TNMD: variants seen among roughly 807,000 people sequenced by gnomAD.
TNMD encodes tenomodulin.
Under a neutral mutation model 26.9 loss-of-function variants are expected in TNMD, and 15 were observed. That is an observed-to-expected ratio of 0.56 (90% CI 0.37 to 0.86). The LOEUF is 0.86. TNMD is among the 40% of genes least tolerant of loss of function. The pLI is 0.00. For synonymous variants in TNMD, 73 were observed against 77.0 expected (o/e 0.95, Z 0.27); for missense variants, 222 against 242.6 (o/e 0.92, Z 0.56).
chrX:100,596,352 C>G, intron 4 of TNMD, among the ~76,000 whole-genome samples: 1 of 111,726 alleles, frequency 9.0e-6, no homozygotes, highest in Middle Eastern at 4.6e-3. Context: ...AATAAATAAA[C>G]AAAAAATAAA....
At chrX:100,594,584 A>C (rs2082947733) in intron 4 of TNMD, among the ~76,000 whole-genome samples, 1 of 111,412 alleles carries the variant, frequency 9.0e-6, no homozygotes, top group African/African-American at 3.3e-5. Flanking sequence ...TGGGGTCTTG[A>C]ACTTAGGCCT....
intron 4 of TNMD, among the ~76,000 whole-genome samples, chrX:100,596,631 A>C (rs1168819247): frequency 9.0e-6 from 1 of 111,628 alleles, no homozygotes; most frequent in Non-Finnish European, 1.9e-5. Context: ...AATAGCCCTG[A>C]TTTTGCTAAC....
rs2082951081 is a variant in TNMD at position 100,595,725 on chromosome X, G to GA, written c.423+1371dup. On this transcript the variant is annotated intron_variant, in intron 4 of 6. Coordinates refer to ENST00000373031, the MANE Select transcript of TNMD (RefSeq NM_022144.3). ...AGACCCTTGTTACTAGAATTTGCAAGAAAAAAAAGAACGTTCTCCCAAAGA... is the reference window on the plus strand; with the variant it reads ...AGACCCTTGTTACTAGAATTTGCAAGAAAAAAAAAGAACGTTCTCCCAAAGA... 2.7e-5 allele frequency among the ~76,000 whole-genome samples: 3 copies of GA among 110,034 alleles called. No individual in the cohort carries two copies. The Middle Eastern group carries it at 0.014, about 512-fold the overall frequency.
chrX:100,593,707 C>T (rs2082944697), intron 2 of TNMD, 188 bp from the exon 3 acceptor site: 1 of 402,802 alleles, frequency 2.5e-6, no homozygotes, highest in African/African-American at 2.6e-5. Context: ...GGTTTGCAAA[C>T]TATCATTTGC....
At chrX:100,596,927 C>G (rs2082954677) in intron 4 of TNMD, among the ~76,000 whole-genome samples, 1 of 112,198 alleles carries the variant, frequency 8.9e-6, no homozygotes, top group Non-Finnish European at 1.9e-5. Context: ...CCAGTGAAGT[C>G]ATAAACTGGA....
At chrX:100,599,277 G>A (rs2082961766) in intron 6 of TNMD, 95 bp downstream of exon 6, 7 of 816,176 alleles carry the variant, frequency 8.6e-6, no homozygotes, top group Admixed American at 8.7e-5. Context: ...GAAGGAGAAC[G>A]ATCATGGCTT....
rs2082918914 is a variant in TNMD at position 100,585,295 on chromosome X, T to C, written c.113T>C (p.Ile38Thr). The part of the protein sequence containing the change: ...SLKICGLVFG[I>T]LALTLIVLFW... ...AAGATTTGTGGACTGGTGTTTGGTA[T>C]CCTGGCCCTAACTCTAATTGTCCTG... The change falls in exon 2 of 7, where the codon ATC (isoleucine) becomes ACC (threonine). Residue 38 changes from isoleucine (I) to threonine (T), a missense_variant. By Grantham distance (89) the Ile-to-Thr change is moderately conservative. Transcript: ENST00000373031. 8.3e-7 allele frequency: 1 copy of C among 1,210,879 alleles called. No homozygotes were observed. Among genetic ancestry groups the C allele is most frequent in the East Asian group, 3.0e-5 (1 of 33,850 alleles).
chrX:100,594,647 G>A (rs1358591091), intron 4 of TNMD, among the ~76,000 whole-genome samples: 1 of 110,977 alleles, frequency 9.0e-6, no homozygotes, highest in Non-Finnish European at 1.9e-5. Context: ...TCTTATACCC[G>A]GGCACCCATT....
intron 2 of TNMD, among the ~76,000 whole-genome samples, chrX:100,592,940 C>T (rs2082942049): frequency 8.9e-6 from 1 of 111,973 alleles, no homozygotes; most frequent in African/African-American, 3.2e-5. Context: ...AGATAGACTT[C>T]CAAAAGGCAT....
At chrX:100,598,939 G>T (rs1194481555) in intron 5 of TNMD, 77 bp from the exon 6 acceptor site, 1 of 864,153 alleles carries the variant, frequency 1.2e-6, no homozygotes, top group Non-Finnish European at 1.6e-6. Flanking sequence ...TCTATCCCCA[G>T]CTGCTATTCT....
chrX:100,590,761 C>T (rs2147606642), intron 2 of TNMD, among the ~76,000 whole-genome samples: 1 of 111,673 alleles, frequency 9.0e-6, no homozygotes, highest in South Asian at 3.8e-4. Context: ...GGAGTAAGAG[C>T]CCATTTGAGT....
At chrX:100,588,110 T>C (rs2082926897) in intron 2 of TNMD, among the ~76,000 whole-genome samples, 2 of 111,993 alleles carry the variant, frequency 1.8e-5, no homozygotes, top group African/African-American at 6.5e-5. Flanking sequence ...ATAAACAGTA[T>C]TTATTTAACA....
chrX:100,599,150 G>C lies in TNMD; in HGVS notation c.712G>C (p.Ala238Pro). 1 of 1,200,342 alleles carries C rather than the reference G, an allele frequency of 8.3e-7. No homozygotes were observed. The highest frequency in any genetic ancestry group is 1.1e-6 in the Non-Finnish European group (1 of 890,103). ...AGAGAAGACCCGTCACGCCAGACAA[G>C]CAAGTGAGGAAGAACTTCCAATAAA... is the stretch of plus-strand genomic sequence containing the variant. Reference protein sequence around the residue: ...KVEKTRHARQASEEELPINDY... With the variant: ...KVEKTRHARQPSEEELPINDY... Residue 238 changes from alanine (A) to proline (P), a missense_variant, in exon 6 of 7, where the codon GCA (alanine) becomes CCA (proline). Coordinates refer to ENST00000373031, the MANE Select transcript of TNMD (RefSeq NM_022144.3).
Position 100,599,686 on chromosome X carries a change from G to T in TNMD, c.923G>T (p.Trp308Leu). Residue 308 changes from tryptophan (W) to leucine (L), a missense_variant, in exon 7 of 7, where the codon TGG (tryptophan) becomes TTG (leucine). Physicochemically the swap from Trp to Leu is moderately conservative, Grantham distance 61 (BLOSUM62 -2). Coordinates refer to ENST00000373031, the MANE Select transcript of TNMD (RefSeq NM_022144.3). ...VICRVIMPCN[W>L]WVARMLGRV is the part of the protein sequence containing the mutation. Reference sequence around the variant, plus strand: ...TGTCGTGTCATCATGCCTTGTAACTGGTGGGTGGCCCGCATGCTGGGGAGG... The same window carrying T: ...TGTCGTGTCATCATGCCTTGTAACTTGTGGGTGGCCCGCATGCTGGGGAGG... The T allele has an allele frequency of 1.7e-6, 2 of 1,211,620 alleles. No individual in the cohort carries two copies.
chrX:100,591,228 C>T (rs1262559788), intron 2 of TNMD, among the ~76,000 whole-genome samples: 1 of 111,898 alleles, frequency 8.9e-6, no homozygotes, highest in Non-Finnish European at 1.9e-5. Flanking sequence ...TCTGTCCTTG[C>T]TCTATCCTCC....
intron 2 of TNMD, among the ~76,000 whole-genome samples, chrX:100,587,018 C>T (rs968742125): frequency 3.6e-5 from 4 of 112,447 alleles, no homozygotes; most frequent in Non-Finnish European, 7.5e-5. Context: ...TGGTGGATAG[C>T]TAGTCCTTTT....
At chrX:100,598,297 G>C (rs942943504) in intron 5 of TNMD, among the ~76,000 whole-genome samples, 1 of 111,225 alleles carries the variant, frequency 9.0e-6, no homozygotes, top group African/African-American at 3.3e-5. Flanking sequence ...TTACCCAAGA[G>C]AGGTTATTCT....
At position 100,597,658 on chromosome X, in the gene TNMD, G is replaced by A; in HGVS notation, c.577+1G>A. ...TGGATCAATCCCACTCTAATATCAG[G>A]TATGACATTCTTATCCTCATCCTCC... On this transcript the variant is annotated splice_donor_variant, in intron 5 of 6. Coordinates refer to ENST00000373031, the MANE Select transcript of TNMD (RefSeq NM_022144.3). LOFTEE classifies it high-confidence loss of function. 1 of 1,205,158 alleles carries A rather than the reference G, an allele frequency of 8.3e-7. No homozygotes were observed. Among genetic ancestry groups the A allele is most frequent in the Non-Finnish European group, 1.1e-6 (1 of 889,711 alleles).
chrX:100,597,827 T>C, intron 5 of TNMD, 170 bp downstream of exon 5: 1 of 478,788 alleles, frequency 2.1e-6, no homozygotes, highest in East Asian at 3.8e-5. Flanking sequence ...CACAGCCAAG[T>C]TATAAATCAG....
Sources: gnomAD v4.1 joint callset for allele counts (sites outside exome capture counted in the v4.1 genomes callset) on GRCh38, gnomAD v4.1.1 for gene constraint, MANE v1.5 for transcripts, NCBI Gene and HGNC (gene_info 2026-07-23, HGNC 2026-07-21) for gene names.